Variants in GDI2 observed in about 807,000 individuals in gnomAD.
GDI2 encodes rab GDP dissociation inhibitor beta.
Under a neutral mutation model 54.2 loss-of-function variants are expected in GDI2, and 22 were observed. The observed-to-expected ratio is 0.41, with a 90% confidence interval of 0.29 to 0.58. GDI2 has a LOEUF of 0.58. Ranked by LOEUF, GDI2 falls within the 20% of genes least tolerant of loss-of-function variation. GDI2 has a pLI of 0.35. For synonymous variants in GDI2, 177 were observed against 182.1 expected (o/e 0.97, Z 0.23); for missense variants, 422 against 546.0 (o/e 0.77, Z 2.26).
intron 4 of GDI2, among the ~76,000 whole-genome samples, chr10:5,790,940 G>C (rs1007096228): frequency 6.6e-6 from 1 of 152,098 alleles, no homozygotes; most frequent in Non-Finnish European, 1.5e-5. Flanking sequence ...ATGACTGCTT[G>C]AGCCCAGGAA....
chr10:5,810,581 G>A (rs1841463832), intron 1 of GDI2, among the ~76,000 whole-genome samples: 2 of 152,224 alleles, frequency 1.3e-5, no homozygotes, highest in Admixed American at 1.3e-4. Flanking sequence ...AAAGCTGGCG[G>A]GGTCTTCATG....
intron 1 of GDI2, among the ~76,000 whole-genome samples, chr10:5,805,747 G>T (rs1487492905): frequency 9.9e-5 from 15 of 152,192 alleles, no homozygotes; most frequent in Non-Finnish European, 1.2e-4. Flanking sequence ...AGCTGTGTTT[G>T]CAAATTTTAT....
At chr10:5,772,060 G>T (rs1211344027) in intron 7 of GDI2, among the ~76,000 whole-genome samples, 1 of 151,560 alleles carries the variant, frequency 6.6e-6, no homozygotes, top group African/African-American at 2.4e-5. Flanking sequence ...CTGCACTCCA[G>T]CCTGGTGACT....
chr10:5,804,945 T>G (rs886961231), intron 1 of GDI2, among the ~76,000 whole-genome samples: 1 of 151,836 alleles, frequency 6.6e-6, no homozygotes, highest in Non-Finnish European at 1.5e-5. Flanking sequence ...GCGATTCTCC[T>G]GCCTCGGCCT....
At chr10:5,789,405 AT>A (rs201768854) in intron 4 of GDI2, among the ~76,000 whole-genome samples, 2,624 of 150,224 alleles carry the variant, frequency 0.017, 26 homozygotes, top group Middle Eastern at 0.041. Flanking sequence ...CGGCCAAATG[AT>A]TTTTTTTTTA....
At chr10:5,798,628 C>G (rs939942928) in intron 2 of GDI2, among the ~76,000 whole-genome samples, 3 of 150,742 alleles carry the variant, frequency 2.0e-5, no homozygotes, top group Non-Finnish European at 3.0e-5. Context: ...TCCCTCAATA[C>G]ATCTGGGGAG....
chr10:5,769,833 A>G (rs763205428), intron 7 of GDI2, among the ~76,000 whole-genome samples: 4 of 152,366 alleles, frequency 2.6e-5, no homozygotes, highest in Admixed American at 6.5e-5. Context: ...AGTTTCTCAA[A>G]CATTAAAAAC....
intron 6 of GDI2, among the ~76,000 whole-genome samples, chr10:5,778,143 G>C (rs955761530): frequency 6.6e-6 from 1 of 152,124 alleles, no homozygotes; most frequent in Non-Finnish European, 1.5e-5. Context: ...CAGGGGATGG[G>C]GGCTAGGGAG....
chr10:5,807,631 G>A (rs1034135351), intron 1 of GDI2, among the ~76,000 whole-genome samples: 2 of 152,168 alleles, frequency 1.3e-5, no homozygotes, highest in Admixed American at 6.5e-5. Context: ...GGCACTTGAC[G>A]TTCTCCTACA....
intron 4 of GDI2, among the ~76,000 whole-genome samples, chr10:5,787,351 A>C (rs61832860): frequency 0.093 from 14,224 of 152,232 alleles, 789 homozygotes; most frequent in East Asian, 0.15. Context: ...CTAAAAATAC[A>C]AAATTAGCTG....
chr10:5,812,219 AAG>A (rs1031985012), intron 1 of GDI2, among the ~76,000 whole-genome samples: 5 of 152,034 alleles, frequency 3.3e-5, no homozygotes, highest in East Asian at 1.9e-4. Flanking sequence ...AAAAAAAAAA[AAG>A]AACAGAAAAA....
At position 5,813,433 on chromosome 10, in the gene GDI2, C is replaced by G. The variant is rs1841519660; in HGVS notation, c.-175G>C. On this transcript the variant is annotated 5_prime_UTR_variant, in exon 1 of 11. Coordinates refer to ENST00000380191, the MANE Select transcript of GDI2 (RefSeq NM_001494.4). Reference sequence around the variant, plus strand: ...GCCACCTCAGACGGGAAGAGAAGAACTGGGCGGGGAGAGGAGGGGAGGGAG... The same window carrying G: ...GCCACCTCAGACGGGAAGAGAAGAAGTGGGCGGGGAGAGGAGGGGAGGGAG... 3.5e-6 allele frequency: 1 copy of G among 282,242 alleles called. No individual in the cohort carries two copies. Among genetic ancestry groups the G allele is most frequent in the Non-Finnish European group, 6.9e-6 (1 of 144,250 alleles). 17.5% of individuals were successfully genotyped at this position (282,242 alleles called of 1,614,324 possible).
At chr10:5,807,400 C>A (rs1841399110) in intron 1 of GDI2, among the ~76,000 whole-genome samples, 1 of 152,198 alleles carries the variant, frequency 6.6e-6, no homozygotes, top group Non-Finnish European at 1.5e-5. Context: ...GTCCATCTAT[C>A]ATGTACATCA....
Position 5,765,779 on chromosome 10 carries a change from A to AG in GDI2, c.*226dup, listed in dbSNP as rs771882494. 2.2e-6 allele frequency: 1 copy of AG among 458,296 alleles called. No homozygotes were observed. The highest frequency in any genetic ancestry group is 3.8e-6 in the Non-Finnish European group (1 of 263,300). 28.4% of individuals were successfully genotyped at this position (458,296 alleles called of 1,614,324 possible). A position where few individuals can be genotyped will look rare whatever the true frequency, so the allele number is the denominator to read the frequency against. ...GTTTAACTTCACTAGAAAAAAAAAA[A>AG]GCCAGTTTGGTTAAATTGAACAGAA... On this transcript the variant is annotated 3_prime_UTR_variant, in exon 11 of 11. Coordinates refer to ENST00000380191, the MANE Select transcript of GDI2 (RefSeq NM_001494.4).
chr10:5,780,275 A>G (rs1840725753), intron 6 of GDI2, among the ~76,000 whole-genome samples: 1 of 146,510 alleles, frequency 6.8e-6, no homozygotes, highest in Admixed American at 6.9e-5. Flanking sequence ...AGTGAACTTA[A>G]TGTGACAAAA....
intron 6 of GDI2, among the ~76,000 whole-genome samples, chr10:5,782,910 G>A (rs1204273227): frequency 6.6e-6 from 1 of 152,192 alleles, no homozygotes; most frequent in Non-Finnish European, 1.5e-5. Context: ...TCCAGCCTGG[G>A]CAACAAGAGT....
chr10:5,765,827 T>TA lies in GDI2; in HGVS notation c.*178dup. ...GAATGTGGTAACTGCCAATGCTGAA[T>TA]AGCCACTCCATGAAAACAAGTTAAT... On this transcript the variant is annotated 3_prime_UTR_variant, in exon 11 of 11. Transcript: ENST00000380191. 3.7e-6 allele frequency: 2 copies of TA among 537,256 alleles called. No individual in the cohort carries two copies. Among genetic ancestry groups the TA allele is most frequent in the South Asian group, 5.5e-5 (2 of 36,248 alleles). The allele number at this position is 537,256 out of a possible 1,614,324, so 33.3% of individuals were successfully genotyped here.
At chr10:5,799,989 CT>C (rs1456923898) in intron 2 of GDI2, among the ~76,000 whole-genome samples, 31 of 152,052 alleles carry the variant, frequency 2.0e-4, no homozygotes, top group African/African-American at 2.4e-5. Context: ...GAAAAAAATC[CT>C]TTTTGGTAAG....
chr10:5,767,467 C>T (rs569344033), intron 8 of GDI2, among the ~76,000 whole-genome samples: 162 of 152,270 alleles, frequency 1.1e-3, no homozygotes, highest in African/African-American at 3.8e-3. Flanking sequence ...GTGTGTGCCA[C>T]CACACCTAGC....
Sources: gnomAD v4.1 joint callset for allele counts (sites outside exome capture counted in the v4.1 genomes callset) on GRCh38, gnomAD v4.1.1 for gene constraint, MANE v1.5 for transcripts, NCBI Gene and HGNC (gene_info 2026-07-23, HGNC 2026-07-21) for gene names.